SOX1: variants seen among roughly 807,000 people sequenced by gnomAD.
The protein encoded by SOX1 is transcription factor SOX-1.
SOX1 carries 1 observed loss-of-function variant against 0.9 expected under a neutral mutation model. The ratio of observed to expected loss-of-function variants is 1.07; its 90% CI spans 0.38 to 5.06. SOX1 has a LOEUF of 5.06. Ranked by LOEUF, SOX1 falls within the 30% of genes most tolerant of loss-of-function variation. SOX1 has a pLI of 0.16. For missense variants in SOX1, 564 were observed against 534.4 expected (o/e 1.06, Z -0.55); for synonymous variants, 397 against 265.5 (o/e 1.50, Z -4.81).
In SOX1 at chr13:112,068,886, C is replaced by T; in HGVS notation, c.*52C>T. 8.4e-7 allele frequency: 1 copy of T among 1,184,350 alleles called. No individual in the cohort carries two copies. The highest frequency in any genetic ancestry group is 1.1e-6 in the Non-Finnish European group (1 of 946,496). The allele number at this position is 1,184,350 out of a possible 1,614,324, so 73.4% of individuals were successfully genotyped here. On this transcript the variant is annotated 3_prime_UTR_variant, in exon 1 of 1. Coordinates refer to ENST00000330949, the MANE Select transcript of SOX1 (RefSeq NM_005986.3). The surrounding 1 kb of genome is among the most constrained non-coding windows in gnomAD (Gnocchi z 6.9). Reference sequence around the variant, plus strand: ...GGCGGCGACCCACGAGCTCGCGGCCCGCGCCCGGCTCCCGCCCCGCCCCGG... The same window carrying T: ...GGCGGCGACCCACGAGCTCGCGGCCTGCGCCCGGCTCCCGCCCCGCCCCGG...
chr13:112,068,156 G>A lies in SOX1; in HGVS notation c.498G>A (p.Val166=). The change falls in exon 1 of 1, where the codon GTG becomes GTA. Residue 166 remains valine (V), a synonymous_variant. Transcript: ENST00000330949. This position sits in a 1 kb window ranked among gnomAD's most constrained non-coding sequence, Gnocchi z 6.9. The part of the protein sequence containing the change: ...GVGVGVGAAA[V]GQRLESPGGA... The stretch of plus-strand genomic sequence containing the variant: ...GCGTGGGCGTGGGCGCGGCGGCCGT[G>A]GGCCAGCGCCTGGAGAGCCCAGGCG... 5.0e-6 allele frequency: 5 copies of A among 998,002 alleles called. No individual in the cohort carries two copies. Among genetic ancestry groups the A allele is most frequent in the African/African-American group, 1.8e-5 (1 of 56,804 alleles). The allele number at this position is 998,002 out of a possible 1,614,324, so 61.8% of individuals were successfully genotyped here. A position where few individuals can be genotyped will look rare whatever the true frequency, so the allele number is the denominator to read the frequency against.
At position 112,068,726 on chromosome 13, in the gene SOX1, G is replaced by C. The variant is rs772787056; in HGVS notation, c.1068G>C (p.Pro356=). The change falls in exon 1 of 1, where the codon CCG becomes CCC. Residue 356 remains proline, a synonymous_variant. Coordinates refer to ENST00000330949, the MANE Select transcript of SOX1 (RefSeq NM_005986.3). The surrounding 1 kb of genome is among the most constrained non-coding windows in gnomAD (Gnocchi z 6.9). ...MYLPAGEGGD[P]AAAAAAAAQS... Reference sequence around the variant, plus strand: ...TGCCCGCCGGCGAGGGGGGCGACCCGGCGGCGGCAGCAGCGGCCGCGGCGC... The same window carrying C: ...TGCCCGCCGGCGAGGGGGGCGACCCCGCGGCGGCAGCAGCGGCCGCGGCGC... 14 of 1,187,006 alleles carry C rather than the reference G, an allele frequency of 1.2e-5. No individual in the cohort carries two copies. The highest frequency in any genetic ancestry group is 1.4e-5 in the Non-Finnish European group (13 of 959,704). 73.5% of individuals were successfully genotyped at this position (1,187,006 alleles called of 1,614,324 possible). A position where few individuals can be genotyped will look rare whatever the true frequency, so the allele number is the denominator to read the frequency against.
In SOX1 at chr13:112,068,960, A is replaced by G. The variant is rs1880812067; in HGVS notation, c.*126A>G. The G allele has an allele frequency of 6.8e-6, 5 of 735,278 alleles. No homozygotes were observed. Among genetic ancestry groups the G allele is most frequent in the Non-Finnish European group, 9.1e-6 (5 of 546,636 alleles). The allele number at this position is 735,278 out of a possible 1,614,324, so 45.5% of individuals were successfully genotyped here. A position where few individuals can be genotyped will look rare whatever the true frequency, so the allele number is the denominator to read the frequency against. On this transcript the variant is annotated 3_prime_UTR_variant, in exon 1 of 1. Transcript: ENST00000330949. The surrounding 1 kb of genome is among the most constrained non-coding windows in gnomAD (Gnocchi z 6.9). ...GTTCCCACATTCTTGTCAAAAGGAA[A>G]ATACTGGAGACGAACGCCGGGTGAC...
rs1880756358 is a variant in SOX1, at chr13:112,067,711, C to T, written c.53C>T (p.Ala18Val). Residue 18 changes from alanine (A) to valine (V), a missense_variant, in exon 1 of 1, where the codon GCC (alanine) becomes GTC (valine). Ala to Val is a moderately conservative substitution (Grantham distance 64). Coordinates refer to ENST00000330949, the MANE Select transcript of SOX1 (RefSeq NM_005986.3). The surrounding 1 kb of genome is among the most constrained non-coding windows in gnomAD (Gnocchi z 5.1). ...CTGCACTCGCCCGGCGGCGCCCAGG[C>T]CCCCACGAACCTCTCGGGCCCCGCC... ...TDLHSPGGAQ[A>V]PTNLSGPAGA... The T allele has an allele frequency of 3.1e-6, 4 of 1,279,152 alleles. No homozygotes were observed. The highest frequency in any genetic ancestry group is 3.1e-5 in the African/African-American group (2 of 64,906). The allele number at this position is 1,279,152 out of a possible 1,614,324, so 79.2% of individuals were successfully genotyped here.
In SOX1 at chr13:112,068,853, G is replaced by T. The variant is rs1880808608; in HGVS notation, c.*19G>T. ...CATCTAGCGCCTTCGGGACGCCGGG[G>T]ACTCTGCGGCGGCGACCCACGAGCT... On this transcript the variant is annotated 3_prime_UTR_variant, in exon 1 of 1. Transcript: ENST00000330949. This position sits in a 1 kb window ranked among gnomAD's most constrained non-coding sequence, Gnocchi z 6.9. 2 of 1,208,608 alleles carry T rather than the reference G, an allele frequency of 1.7e-6. No homozygotes were observed. The highest frequency in any genetic ancestry group is 4.5e-5 in the Admixed American group (1 of 22,314). The allele number at this position is 1,208,608 out of a possible 1,614,324, so 74.9% of individuals were successfully genotyped here.
chr13:112,067,772 C>A lies in SOX1; in HGVS notation c.114C>A (p.Gly38=), dbSNP rs1434809158. Residue 38 remains glycine, a synonymous_variant, in exon 1 of 1, where the codon GGC becomes GGA. Transcript: ENST00000330949. This position sits in a 1 kb window ranked among gnomAD's most constrained non-coding sequence, Gnocchi z 5.1. ...AGGGGGGGGG[G]GGGGGAKANQ... ...GCGGCGGGGGCGGAGGCGGGGGCGG[C>A]GGCGGCGGCGGGGGCGCCAAGGCCA... 7.7e-7 allele frequency: 1 copy of A among 1,291,160 alleles called. No homozygotes were observed. The highest frequency in any genetic ancestry group is 9.9e-7 in the Non-Finnish European group (1 of 1,012,348). 80.0% of individuals were successfully genotyped at this position (1,291,160 alleles called of 1,614,324 possible). A position where few individuals can be genotyped will look rare whatever the true frequency, so the allele number is the denominator to read the frequency against.
At position 112,068,320 on chromosome 13, in the gene SOX1, GCGCGCACCCGCA is replaced by G. The variant is rs915453765; in HGVS notation, c.672_683del (p.His225_Pro228del). 101 of 1,098,252 alleles carry G rather than the reference GCGCGCACCCGCA, an allele frequency of 9.2e-5. No individual in the cohort carries two copies. Among genetic ancestry groups the G allele is most frequent in the South Asian group, 2.0e-4 (7 of 35,302 alleles). 68.0% of individuals were successfully genotyped at this position (1,098,252 alleles called of 1,614,324 possible). On this transcript the variant is annotated inframe_deletion, in exon 1 of 1. Transcript: ENST00000330949. This position sits in a 1 kb window ranked among gnomAD's most constrained non-coding sequence, Gnocchi z 6.9. ...TACGGGCAGCACCCGGGCGCGGGCG[GCGCGCACCCGCA>G]CGCGCACCCCGCGCACCCGCACCCG...
In SOX1 at chr13:112,070,998, A is replaced by C. The variant is rs1016484232; in HGVS notation, c.*2164A>C. Among the ~76,000 whole-genome samples the C allele has an allele frequency of 2.0e-5, 3 of 152,200 alleles. No individual in the cohort carries two copies. The highest frequency in any genetic ancestry group is 7.2e-5 in the African/African-American group (3 of 41,432). Reference sequence around the variant, plus strand: ...CTTAGTCCGGGATAAGGGCCTCCCCAGTCCTCTCCGGGAGATGATTTGGGA... The same window carrying C: ...CTTAGTCCGGGATAAGGGCCTCCCCCGTCCTCTCCGGGAGATGATTTGGGA... On this transcript the variant is annotated 3_prime_UTR_variant, in exon 1 of 1. Transcript: ENST00000330949.
In SOX1 at chr13:112,067,749, G is replaced by A; in HGVS notation, c.91G>A (p.Gly31Ser). The A allele has an allele frequency of 1.6e-6, 2 of 1,224,882 alleles. No individual in the cohort carries two copies. The highest frequency in any genetic ancestry group is 2.0e-6 in the Non-Finnish European group (2 of 978,490). 75.9% of individuals were successfully genotyped at this position (1,224,882 alleles called of 1,614,324 possible). Reference protein sequence around the residue: ...NLSGPAGAGGGGGGGGGGGGG... With the variant: ...NLSGPAGAGGSGGGGGGGGGG... ...CTCGGGCCCCGCCGGGGCGGGCGGC[G>A]GCGGGGGCGGAGGCGGGGGCGGCGG... Residue 31 changes from glycine (G) to serine (S), a missense_variant, in exon 1 of 1, where the codon GGC (glycine) becomes AGC (serine). Coordinates refer to ENST00000330949, the MANE Select transcript of SOX1 (RefSeq NM_005986.3). This position sits in a 1 kb window ranked among gnomAD's most constrained non-coding sequence, Gnocchi z 5.1.
In SOX1 at chr13:112,067,379, G is replaced by A. The variant is rs1880743624; in HGVS notation, c.-280G>A. Among the ~76,000 whole-genome samples, 1 of 152,176 alleles carries A rather than the reference G, an allele frequency of 6.6e-6. No homozygotes were observed. Among genetic ancestry groups the A allele is most frequent in the Non-Finnish European group, 1.5e-5 (1 of 68,022 alleles). On this transcript the variant is annotated 5_prime_UTR_variant, in exon 1 of 1. Transcript: ENST00000330949. This position sits in a 1 kb window ranked among gnomAD's most constrained non-coding sequence, Gnocchi z 5.1. ...CCGCTCCGCCGAGGGCGCCTGGGCTGCGGTGGCGGCGAAGACGGCGACCCC... is the reference window on the plus strand; with the variant it reads ...CCGCTCCGCCGAGGGCGCCTGGGCTACGGTGGCGGCGAAGACGGCGACCCC...
Position 112,069,519 on chromosome 13 carries a change from GGGA to G in SOX1, c.*690_*692del, listed in dbSNP as rs993154029. On this transcript the variant is annotated 3_prime_UTR_variant, in exon 1 of 1. Coordinates refer to ENST00000330949, the MANE Select transcript of SOX1 (RefSeq NM_005986.3). ...ATTTTATTTTCGGCGTTGCAATGCG[GGGA>G]GGAGAAGTCAGATTATGTACATAGT... 20 of 167,084 alleles carry G rather than the reference GGGA, an allele frequency of 1.2e-4. No homozygotes were observed. The highest frequency in any genetic ancestry group is 3.4e-3 in the Middle Eastern group (1 of 296). 10.4% of individuals were successfully genotyped at this position (167,084 alleles called of 1,614,324 possible).
Position 112,069,952 on chromosome 13 carries a change from T to C in SOX1, c.*1118T>C, listed in dbSNP as rs1333305836. The C allele has an allele frequency of 6.0e-6, 1 of 166,576 alleles. No homozygotes were observed. The highest frequency in any genetic ancestry group is 1.9e-4 in the East Asian group (1 of 5,188). 10.3% of individuals were successfully genotyped at this position (166,576 alleles called of 1,614,324 possible). On this transcript the variant is annotated 3_prime_UTR_variant, in exon 1 of 1. Transcript: ENST00000330949. ...GGGGCGCCTTCCACCTGGCTGGGGG[T>C]CTGCGCCACAGTTTGGTCCAGAGGA...
chr13:112,068,351 G>T lies in SOX1; in HGVS notation c.693G>T (p.Pro231=). ...ACCCGCACGCGCACCCCGCGCACCCGCACCCGCACCACCCGCACGCGCACC... is the reference window on the plus strand; with the variant it reads ...ACCCGCACGCGCACCCCGCGCACCCTCACCCGCACCACCCGCACGCGCACC... ...GAHPHAHPAH[P]HPHHPHAHPH... The change falls in exon 1 of 1, where the codon CCG becomes CCT. Residue 231 remains proline, a synonymous_variant. Transcript: ENST00000330949. The surrounding 1 kb of genome is among the most constrained non-coding windows in gnomAD (Gnocchi z 6.9). The T allele has an allele frequency of 8.1e-7, 1 of 1,241,804 alleles. No individual in the cohort carries two copies. Among genetic ancestry groups the T allele is most frequent in the Non-Finnish European group, 1.0e-6 (1 of 972,176 alleles). The allele number at this position is 1,241,804 out of a possible 1,614,324, so 76.9% of individuals were successfully genotyped here.
At position 112,068,618 on chromosome 13, in the gene SOX1, G is replaced by A. The variant is rs1880799551; in HGVS notation, c.960G>A (p.Ser320=). 7 of 1,142,152 alleles carry A rather than the reference G, an allele frequency of 6.1e-6. No individual in the cohort carries two copies. The highest frequency in any genetic ancestry group is 7.5e-6 in the Non-Finnish European group (7 of 931,700). The allele number at this position is 1,142,152 out of a possible 1,614,324, so 70.8% of individuals were successfully genotyped here. Residue 320 remains serine, a synonymous_variant, in exon 1 of 1, where the codon TCG becomes TCA. Coordinates refer to ENST00000330949, the MANE Select transcript of SOX1 (RefSeq NM_005986.3). The surrounding 1 kb of genome is among the most constrained non-coding windows in gnomAD (Gnocchi z 6.9). ...GCGCGCTGGGCTCTCTGGTGAAGTC[G>A]GAGCCCAGCGGCAGCCCGCCCGCCC... ...ALGALGSLVK[S]EPSGSPPAPA... is the part of the protein sequence containing the mutation.
In SOX1 at chr13:112,068,658, G is replaced by C; in HGVS notation, c.1000G>C (p.Ala334Pro). 8.6e-7 allele frequency: 1 copy of C among 1,164,594 alleles called. No individual in the cohort carries two copies. The highest frequency in any genetic ancestry group is 1.1e-6 in the Non-Finnish European group (1 of 945,038). 72.1% of individuals were successfully genotyped at this position (1,164,594 alleles called of 1,614,324 possible). Residue 334 changes from alanine (A) to proline (P), a missense_variant, in exon 1 of 1, where the codon GCG becomes CCG. Coordinates refer to ENST00000330949, the MANE Select transcript of SOX1 (RefSeq NM_005986.3). This position sits in a 1 kb window ranked among gnomAD's most constrained non-coding sequence, Gnocchi z 6.9. ...GSPPAPAHSRAPCPGDLREMI... is the reference protein window; with the variant it reads ...GSPPAPAHSRPPCPGDLREMI... ...CCCGCCCGCCCCAGCGCACTCGCGG[G>C]CGCCGTGCCCCGGGGACCTGCGCGA...
rs375103828 is a variant in SOX1, at chr13:112,071,661, TTATTA to T, written c.*2836_*2840del. On this transcript the variant is annotated 3_prime_UTR_variant, in exon 1 of 1. Transcript: ENST00000330949. ...GGAGTGAAATACTATATGATGATAG[TTATTA>T]TATTATATGACGACTTCATTCACTT... 2.0e-4 allele frequency among the ~76,000 whole-genome samples: 30 copies of T among 152,220 alleles called. No homozygotes were observed. The highest frequency in any genetic ancestry group is 1.0e-3 in the Admixed American group (16 of 15,296).
At position 112,070,693 on chromosome 13, in the gene SOX1, G is replaced by A. The variant is rs369160494; in HGVS notation, c.*1859G>A. ...CTATGCTATAAGTTTAATGAGAACC[G>A]AATTCAGCCTGCATTCGAGAATAGC... On this transcript the variant is annotated 3_prime_UTR_variant, in exon 1 of 1. Transcript: ENST00000330949. Among the ~76,000 whole-genome samples, 1 of 152,164 alleles carries A rather than the reference G, an allele frequency of 6.6e-6. No homozygotes were observed. Among genetic ancestry groups the A allele is most frequent in the Admixed American group, 6.5e-5 (1 of 15,272 alleles).
Position 112,068,684 on chromosome 13 carries a change from G to C in SOX1, c.1026G>C (p.Glu342Asp). ...CGCCGTGCCCCGGGGACCTGCGCGA[G>C]ATGATCAGCATGTACTTGCCCGCCG... is the stretch of plus-strand genomic sequence containing the variant. ...SRAPCPGDLR[E>D]MISMYLPAGE... Residue 342 changes from glutamate (E) to aspartate (D), a missense_variant, in exon 1 of 1, where the codon GAG becomes GAC. By Grantham distance (45) the Glu-to-Asp change is conservative. Coordinates refer to ENST00000330949, the MANE Select transcript of SOX1 (RefSeq NM_005986.3). The surrounding 1 kb of genome is among the most constrained non-coding windows in gnomAD (Gnocchi z 6.9). 8.5e-7 allele frequency: 1 copy of C among 1,174,890 alleles called. No individual in the cohort carries two copies. Among genetic ancestry groups the C allele is most frequent in the East Asian group, 3.8e-5 (1 of 26,396 alleles). The allele number at this position is 1,174,890 out of a possible 1,614,324, so 72.8% of individuals were successfully genotyped here. A position where few individuals can be genotyped will look rare whatever the true frequency, so the allele number is the denominator to read the frequency against.
At position 112,071,338 on chromosome 13, in the gene SOX1, C is replaced by T. The variant is rs777489651; in HGVS notation, c.*2504C>T. On this transcript the variant is annotated 3_prime_UTR_variant, in exon 1 of 1. Coordinates refer to ENST00000330949, the MANE Select transcript of SOX1 (RefSeq NM_005986.3). ...GTTTGGCATCTTATTGCAGGTGCTTCGTGCACAGTCAGCTGAAATAGCCAA... is the reference window on the plus strand; with the variant it reads ...GTTTGGCATCTTATTGCAGGTGCTTTGTGCACAGTCAGCTGAAATAGCCAA... Among the ~76,000 whole-genome samples, 9 of 152,234 alleles carry T rather than the reference C, an allele frequency of 5.9e-5. 1 individual carries two copies. The highest frequency in any genetic ancestry group is 1.2e-4 in the Non-Finnish European group (8 of 68,046).
Sources: allele counts gnomAD v4.1 joint callset (sites outside exome capture counted in the v4.1 genomes callset), GRCh38; gene constraint gnomAD v4.1.1; non-coding constraint Gnocchi (gnomAD v3.1); transcripts MANE v1.5; gene names NCBI Gene and HGNC (gene_info 2026-07-23, HGNC 2026-07-21).